The following PIEZO2 variants were observed in gnomAD, a reference collection of about 807,000 sequenced individuals.
The protein encoded by PIEZO2 is piezo-type mechanosensitive ion channel component 2.
A neutral mutation model predicts 337.3 loss-of-function variants in PIEZO2; 172 were observed. That is an observed-to-expected ratio of 0.51 (90% CI 0.45 to 0.58). PIEZO2 has a LOEUF of 0.58. Ranked by LOEUF, PIEZO2 falls within the 20% of genes least tolerant of loss-of-function variation. PIEZO2 has a pLI of 0.00. For synonymous variants in PIEZO2, 1,251 were observed against 1,228.5 expected (o/e 1.02, Z -0.38); for missense variants, 3,028 against 3,391.3 (o/e 0.89, Z 2.66).
intron 3 of PIEZO2, among the ~76,000 whole-genome samples, chr18:10,918,033 T>C (rs574787227): frequency 6.6e-6 from 1 of 152,340 alleles, no homozygotes; most frequent in Non-Finnish European, 1.5e-5. Flanking sequence ...AGTGACATTT[T>C]ACTTTGCCAA....
intron 4 of PIEZO2, among the ~76,000 whole-genome samples, chr18:10,901,904 C>T (rs1369685279): frequency 6.7e-6 from 1 of 149,614 alleles, no homozygotes; most frequent in African/African-American, 2.5e-5. Context: ...TCAGTGTCAA[C>T]ATATGCAAAA....
chr18:10,806,014 A>G (rs1156589647), intron 8 of PIEZO2, among the ~76,000 whole-genome samples: 2 of 152,222 alleles, frequency 1.3e-5, no homozygotes. Flanking sequence ...GGCCCTGCCT[A>G]CTGAAGTCAT....
chr18:11,095,843 C>A (rs1462608510), intron 1 of PIEZO2, among the ~76,000 whole-genome samples: 2 of 152,186 alleles, frequency 1.3e-5, no homozygotes, highest in Non-Finnish European at 2.9e-5. Context: ...GTTTCCCCTT[C>A]CATTTACTGG....
intron 5 of PIEZO2, among the ~76,000 whole-genome samples, chr18:10,857,611 CTGAAAGG>C (rs1242685549): frequency 1.3e-5 from 2 of 152,218 alleles, no homozygotes; most frequent in African/African-American, 4.8e-5. Context: ...ACAGCTTCGA[CTGAAAGG>C]TGAGTCCAAT....
chr18:10,876,314 T>C lies in PIEZO2; in HGVS notation c.330-4899A>G, dbSNP rs548709641. Among the ~76,000 whole-genome samples the C allele has an allele frequency of 3.9e-5, 6 of 152,312 alleles. No homozygotes were observed. The South Asian group carries it at 1.2e-3, about 32-fold the overall frequency. ...CTTGAGAAGTTCTGTAGTAAAACAG[T>C]TACATTTATTTGACCTGGAAACCAT... On this transcript the variant is annotated intron_variant, in intron 4 of 55. Coordinates refer to ENST00000674853, the MANE Select transcript of PIEZO2 (RefSeq NM_001378183.1).
chr18:10,953,044 T>C lies in PIEZO2; in HGVS notation c.286+26491A>G, dbSNP rs2033369259. Among the ~76,000 whole-genome samples the C allele has an allele frequency of 6.6e-6, 1 of 152,184 alleles. No individual in the cohort carries two copies. On this transcript the variant is annotated intron_variant, in intron 3 of 55. Transcript: ENST00000674853. The surrounding 1 kb of genome is among the most constrained non-coding windows in gnomAD (Gnocchi z 5.2). ...TTATTCATCATCTGTATATCTTCTT[T>C]GGTAAAGTGTCTATTCAAAAATTTT... is the stretch of plus-strand genomic sequence containing the variant.
chr18:11,125,598 A>C lies in PIEZO2; in HGVS notation c.64+22927T>G, dbSNP rs2146212574. The stretch of plus-strand genomic sequence containing the variant: ...CCAAATAAAGATTACCCTGCAGAGA[A>C]GAGCATCCTGGTTTTATGAAGTCCT... On this transcript the variant is annotated intron_variant, in intron 1 of 55. Transcript: ENST00000674853. The surrounding 1 kb of genome is among the most constrained non-coding windows in gnomAD (Gnocchi z 4.4). Among the ~76,000 whole-genome samples the C allele has an allele frequency of 6.6e-6, 1 of 152,314 alleles. No homozygotes were observed. The highest frequency in any genetic ancestry group is 2.1e-4 in the South Asian group (1 of 4,824).
chr18:10,864,604 G>C (rs2041959130), intron 5 of PIEZO2, among the ~76,000 whole-genome samples: 1 of 152,188 alleles, frequency 6.6e-6, no homozygotes, highest in African/African-American at 2.4e-5. Flanking sequence ...TCTCAGTAAA[G>C]ATATACTGAA....
intron 2 of PIEZO2, among the ~76,000 whole-genome samples, chr18:11,046,707 T>A (rs2145831650): frequency 6.6e-6 from 1 of 152,342 alleles, no homozygotes; most frequent in South Asian, 2.1e-4. Context: ...CAATACAGGA[T>A]AAAGCAGTTA....
Position 11,087,993 on chromosome 18 carries a change from C to T in PIEZO2, c.65-21771G>A, listed in dbSNP as rs146711545. On this transcript the variant is annotated intron_variant, in intron 1 of 55. Transcript: ENST00000674853. Reference sequence around the variant, plus strand: ...TTCCTACATTTCCTTTGTGATGCCACTCACATATATCCTTCAAGAAGTCAC... The same window carrying T: ...TTCCTACATTTCCTTTGTGATGCCATTCACATATATCCTTCAAGAAGTCAC... Among the ~76,000 whole-genome samples the T allele has an allele frequency of 3.5e-3, 528 of 152,378 alleles. 3 individuals carry two copies. Among genetic ancestry groups the T allele is most frequent in the Middle Eastern group, 0.017 (5 of 294 alleles).
rs1004523618 is a variant in PIEZO2 at position 10,670,354 on chromosome 18, T to C, written c.*1173A>G. ...TCAATGATTCTTCTCAGAAACTGTA[T>C]CTTAATATGGAATGAAAACTACATT... On this transcript the variant is annotated 3_prime_UTR_variant, in exon 56 of 56. Coordinates refer to ENST00000674853, the MANE Select transcript of PIEZO2 (RefSeq NM_001378183.1). 1 of 152,214 alleles carries C rather than the reference T, an allele frequency of 6.6e-6. No individual in the cohort carries two copies. Among genetic ancestry groups the C allele is most frequent in the Non-Finnish European group, 1.5e-5 (1 of 68,028 alleles). The allele number at this position is 152,214 out of a possible 1,614,324, so 9.4% of individuals were successfully genotyped here.
chr18:11,006,349 G>T (rs904202980), intron 2 of PIEZO2, among the ~76,000 whole-genome samples: 4 of 152,134 alleles, frequency 2.6e-5, no homozygotes, highest in Non-Finnish European at 4.4e-5. Context: ...TTGAATAACT[G>T]AACGAATGAA....
rs118085487 is a variant in PIEZO2 at position 10,938,199 on chromosome 18, G to A, written c.287-26971C>T. On this transcript the variant is annotated intron_variant, in intron 3 of 55. Coordinates refer to ENST00000674853, the MANE Select transcript of PIEZO2 (RefSeq NM_001378183.1). ...CTCAGTTCAGCCCACAGAACTAACC[G>A]GGACTGAGGCCATTGGTCTTAGACC... Among the ~76,000 whole-genome samples, 776 of 152,264 alleles carry A rather than the reference G, an allele frequency of 5.1e-3. 20 individuals are homozygous for A. In the East Asian group the frequency reaches 0.064, roughly 13 times the overall value.
At chr18:10,985,950 A>C (rs1302789792) in intron 2 of PIEZO2, among the ~76,000 whole-genome samples, 1 of 151,848 alleles carries the variant, frequency 6.6e-6, no homozygotes, top group Admixed American at 6.6e-5. Flanking sequence ...CGAATGGATA[A>C]AAAAAAATCC....
Position 10,789,087 on chromosome 18 carries a change from G to C in PIEZO2, c.2161C>G (p.Leu721Val), listed in dbSNP as rs1481129284. 1.5e-5 allele frequency: 23 copies of C among 1,536,586 alleles called. No individual in the cohort carries two copies. Among genetic ancestry groups the C allele is most frequent in the Non-Finnish European group, 1.8e-5 (21 of 1,146,598 alleles). The change falls in exon 15 of 56, where the codon CTA becomes GTA. Residue 721 changes from leucine to valine, a missense_variant. Leu to Val is a conservative substitution (Grantham distance 32). Coordinates refer to ENST00000674853, the MANE Select transcript of PIEZO2 (RefSeq NM_001378183.1). Reference sequence around the variant, plus strand: ...GTCAACTGTGTACCTACCTGGTATAGGGCCACACAGAACAGGAACAGCACC... The same window carrying C: ...GTCAACTGTGTACCTACCTGGTATACGGCCACACAGAACAGGAACAGCACC... ...YMVLFLFCVA[L>V]YQVHYEWWRK...
chr18:10,921,319 G>A (rs2031382677), intron 3 of PIEZO2, among the ~76,000 whole-genome samples: 1 of 152,130 alleles, frequency 6.6e-6, no homozygotes, highest in Non-Finnish European at 1.5e-5. Context: ...CCCAAACAGA[G>A]GGACCGGCTG....
intron 47 of PIEZO2, among the ~76,000 whole-genome samples, chr18:10,695,805 T>C (rs2035054196): frequency 6.6e-6 from 1 of 152,200 alleles, no homozygotes; most frequent in African/African-American, 2.4e-5. Context: ...TTTGTTCAGG[T>C]TATTAAGGCT....
chr18:10,683,792 AAAG>A (rs1200117346), intron 49 of PIEZO2, among the ~76,000 whole-genome samples: 6 of 152,324 alleles, frequency 3.9e-5, no homozygotes, highest in Non-Finnish European at 7.4e-5. Context: ...TTTGCAAGTT[AAAG>A]AAGATTAATG....
chr18:11,137,653 G>A lies in PIEZO2; in HGVS notation c.64+10872C>T, dbSNP rs73943213. 8.5e-3 allele frequency among the ~76,000 whole-genome samples: 1,300 copies of A among 152,286 alleles called. 20 individuals carry two copies. The highest frequency in any genetic ancestry group is 0.03 in the African/African-American group (1,234 of 41,552). ...GCAATGCCAAAGGCAGTGCTGCCCGGCAGGGACAGTCCAGGGAAAGCAGCA... is the reference window on the plus strand; with the variant it reads ...GCAATGCCAAAGGCAGTGCTGCCCGACAGGGACAGTCCAGGGAAAGCAGCA... On this transcript the variant is annotated intron_variant, in intron 1 of 55. Transcript: ENST00000674853.
Sources: allele counts gnomAD v4.1 joint callset (sites outside exome capture counted in the v4.1 genomes callset), GRCh38; gene constraint gnomAD v4.1.1; non-coding constraint Gnocchi (gnomAD v3.1); transcripts MANE v1.5; gene names NCBI Gene and HGNC (gene_info 2026-07-23, HGNC 2026-07-21).